Variants in AKAIN1 observed in about 807,000 individuals in gnomAD.
AKAIN1 encodes the protein A-kinase anchor protein inhibitor 1.
A neutral mutation model predicts 3.7 loss-of-function variants in AKAIN1; 3 were observed. That is an observed-to-expected ratio of 0.82 (90% CI 0.37 to 2.12). The LOEUF (loss-of-function observed/expected upper bound fraction) is 2.12. Ranked by LOEUF, AKAIN1 falls within the 30% of genes most tolerant of loss-of-function variation. The pLI is 0.06. For synonymous variants in AKAIN1, 31 were observed against 30.8 expected, an observed-to-expected ratio of 1.01 and a Z score of -0.02; for missense variants, 82 against 82.7, an observed-to-expected ratio of 0.99 and a Z score of 0.03.
intron 1 of AKAIN1, among the ~76,000 whole-genome samples, chr18:5,195,343 C>T (rs1280111981): frequency 6.6e-6 from 1 of 152,140 alleles, no homozygotes; most frequent in Non-Finnish European, 1.5e-5. Context: ...CCAGAAATTC[C>T]CCACTGTTCA....
chr18:5,148,902 G>A (rs2071064529), intron 1 of AKAIN1, among the ~76,000 whole-genome samples: 2 of 151,940 alleles, frequency 1.3e-5, no homozygotes, highest in South Asian at 4.2e-4. Context: ...AACTCAATAA[G>A]GTTCTAATGC....
intron 1 of AKAIN1, among the ~76,000 whole-genome samples, chr18:5,146,574 A>C (rs1156569604): frequency 6.6e-6 from 1 of 152,212 alleles, no homozygotes; most frequent in Non-Finnish European, 1.5e-5. Flanking sequence ...CTATAATAGG[A>C]TCACAACCAG....
chr18:5,178,062 G>C (rs921547279), intron 1 of AKAIN1, among the ~76,000 whole-genome samples: 13 of 152,048 alleles, frequency 8.5e-5, no homozygotes, highest in African/African-American at 3.1e-4. Context: ...AGTCCTCAGT[G>C]CACATCCAGG....
chr18:5,195,700 T>C (rs927235902), intron 1 of AKAIN1, among the ~76,000 whole-genome samples: 6 of 152,224 alleles, frequency 3.9e-5, no homozygotes, highest in African/African-American at 1.4e-4. Context: ...GATAGCAGCA[T>C]GAAACTGCTT....
chr18:5,149,151 C>T (rs1021637733), intron 1 of AKAIN1, among the ~76,000 whole-genome samples: 1 of 152,138 alleles, frequency 6.6e-6, no homozygotes, highest in Non-Finnish European at 1.5e-5. Flanking sequence ...TCTCACTGCC[C>T]TCATTACCAC....
intron 1 of AKAIN1, among the ~76,000 whole-genome samples, chr18:5,192,434 TTTCTTTC>T (rs1272963792): frequency 0.014 from 1,646 of 118,514 alleles, 28 homozygotes; most frequent in East Asian, 0.056. Context: ...TCTTTCTTTC[TTTCTTTC>T]TTTCTTTTTC....
chr18:5,152,943 A>T lies in AKAIN1; in HGVS notation c.17-7188T>A, dbSNP rs544916996. Reference sequence around the variant, plus strand: ...GATAGTAAAGCAGCCATGTTTCCTCATATCTGTGCCACCCAGCATAGCTTC... The same window carrying T: ...GATAGTAAAGCAGCCATGTTTCCTCTTATCTGTGCCACCCAGCATAGCTTC... On this transcript the variant is annotated intron_variant, in intron 1 of 1. Coordinates refer to ENST00000434239, the MANE Select transcript of AKAIN1 (RefSeq NM_001145194.2). Among the ~76,000 whole-genome samples, 5 of 152,276 alleles carry T rather than the reference A, an allele frequency of 3.3e-5. No homozygotes were observed. In the South Asian group the frequency reaches 1.0e-3, roughly 32 times the overall value.
chr18:5,155,232 G>A (rs2071100890), intron 1 of AKAIN1, among the ~76,000 whole-genome samples: 2 of 152,256 alleles, frequency 1.3e-5, no homozygotes, highest in South Asian at 4.2e-4. Flanking sequence ...TGGCTCCCGT[G>A]AGTCTATGCA....
At chr18:5,152,350 C>T (rs192648434) in intron 1 of AKAIN1, among the ~76,000 whole-genome samples, 4 of 152,148 alleles carry the variant, frequency 2.6e-5, no homozygotes, top group African/African-American at 9.7e-5. Context: ...GGAACAGGAT[C>T]GGTATGAGAA....
chr18:5,195,730 T>C (rs73943148), intron 1 of AKAIN1, among the ~76,000 whole-genome samples: 3,944 of 152,274 alleles, frequency 0.026, 137 homozygotes, highest in African/African-American at 0.074. Flanking sequence ...TTAAGTGCTG[T>C]ATAAATGCAG....
At chr18:5,157,211 A>G (rs960471389) in intron 1 of AKAIN1, among the ~76,000 whole-genome samples, 15 of 152,200 alleles carry the variant, frequency 9.9e-5, no homozygotes, top group African/African-American at 3.6e-4. Flanking sequence ...ACCCTGGGCC[A>G]GAGATCCTTC....
intron 1 of AKAIN1, among the ~76,000 whole-genome samples, chr18:5,179,825 T>C (rs1337267292): frequency 6.6e-6 from 1 of 152,152 alleles, no homozygotes; most frequent in African/African-American, 2.4e-5. Flanking sequence ...GAGGACATCT[T>C]TATTGTTGTT....
At chr18:5,167,536 A>G (rs968158106) in intron 1 of AKAIN1, among the ~76,000 whole-genome samples, 2 of 152,098 alleles carry the variant, frequency 1.3e-5, no homozygotes, top group African/African-American at 4.8e-5. Context: ...TTAACTTTGC[A>G]GAAATACCAG....
chr18:5,146,218 G>A (rs376919), intron 1 of AKAIN1, among the ~76,000 whole-genome samples: 34,694 of 152,000 alleles, frequency 0.23, 4,398 homozygotes, highest in East Asian at 0.47. Flanking sequence ...AGAACAGACC[G>A]TTGCCCTTTC....
Position 5,143,669 on chromosome 18 carries a change from C to T in AKAIN1, c.*1893G>A, listed in dbSNP as rs2071033293. ...GAGCCAAACGGCAGAGTCTAGAAAACTTTGCTTAAGATATTTCAAAGCTGT... is the reference window on the plus strand; with the variant it reads ...GAGCCAAACGGCAGAGTCTAGAAAATTTTGCTTAAGATATTTCAAAGCTGT... On this transcript the variant is annotated 3_prime_UTR_variant, in exon 2 of 2. Coordinates refer to ENST00000434239, the MANE Select transcript of AKAIN1 (RefSeq NM_001145194.2). 6.6e-6 allele frequency among the ~76,000 whole-genome samples: 1 copy of T among 152,166 alleles called. No individual in the cohort carries two copies. Among genetic ancestry groups the T allele is most frequent in the Non-Finnish European group, 1.5e-5 (1 of 68,030 alleles).
chr18:5,154,614 G>A (rs1249883348), intron 1 of AKAIN1, among the ~76,000 whole-genome samples: 2 of 152,088 alleles, frequency 1.3e-5, no homozygotes, highest in Admixed American at 6.5e-5. Flanking sequence ...GGACCCCAGA[G>A]TAACCTGGGA....
intron 1 of AKAIN1, among the ~76,000 whole-genome samples, chr18:5,175,217 G>C (rs1012733392): frequency 6.6e-6 from 1 of 152,044 alleles, no homozygotes; most frequent in Non-Finnish European, 1.5e-5. Flanking sequence ...ATACTCATAA[G>C]GCCTTAGCAA....
chr18:5,158,751 TC>T (rs776214318), intron 1 of AKAIN1, among the ~76,000 whole-genome samples: 4 of 151,678 alleles, frequency 2.6e-5, no homozygotes, highest in African/African-American at 7.3e-5. Context: ...TTGAACCAAG[TC>T]CTGCCAACAC....
rs183389376 is a variant in AKAIN1 at position 5,147,205 on chromosome 18, A to G, written c.17-1450T>C. Reference sequence around the variant, plus strand: ...ACAAACTGTTTTCAGGGATTTCAGAAGGAAAAGAAGGAGCTTGGTATCCAA... The same window carrying G: ...ACAAACTGTTTTCAGGGATTTCAGAGGGAAAAGAAGGAGCTTGGTATCCAA... On this transcript the variant is annotated intron_variant, in intron 1 of 1. Transcript: ENST00000434239. Among the ~76,000 whole-genome samples, 35 of 152,330 alleles carry G rather than the reference A, an allele frequency of 2.3e-4. No homozygotes were observed. In the East Asian group the frequency reaches 4.0e-3, roughly 18 times the overall value.
Sources: allele counts gnomAD v4.1 joint callset (sites outside exome capture counted in the v4.1 genomes callset), GRCh38; gene constraint gnomAD v4.1.1; transcripts MANE v1.5; gene names NCBI Gene and HGNC (gene_info 2026-07-23, HGNC 2026-07-21).